Variants in PCDHA4 observed in about 807,000 individuals in gnomAD.
PCDHA4 encodes protocadherin alpha-4.
PCDHA4 carries 49 observed loss-of-function variants against 61.4 expected under a neutral mutation model. The observed-to-expected ratio is 0.80, with a 90% confidence interval of 0.63 to 1.01. PCDHA4 has a LOEUF of 1.01. Among genes scored for constraint, PCDHA4 ranks in the 50% least tolerant of loss-of-function variants. PCDHA4 has a pLI of 0.00. For missense variants in PCDHA4, 1,254 were observed against 1,235.8 expected (o/e 1.01, Z -0.22); for synonymous variants, 590 against 550.3 (o/e 1.07, Z -1.01).
At chr5:140,849,467 TA>T (rs2040919541) in intron 1 of PCDHA4, 1 of 1,589,264 alleles carries the variant, frequency 6.3e-7, no homozygotes, top group African/African-American at 1.4e-5. Flanking sequence ...AGGCTGTCGA[TA>T]AAGGCTTCCC....
At chr5:140,892,111 A>G (rs918433393) in intron 1 of PCDHA4, among the ~76,000 whole-genome samples, 3 of 152,206 alleles carry the variant, frequency 2.0e-5, no homozygotes, top group Admixed American at 2.0e-4. Context: ...CTTGGCATTT[A>G]TATCTGGAAC....
chr5:140,919,593 T>A (rs541275874), intron 1 of PCDHA4, among the ~76,000 whole-genome samples: 1 of 152,332 alleles, frequency 6.6e-6, no homozygotes, highest in South Asian at 2.1e-4. Flanking sequence ...TGGTAATTTT[T>A]AAAATAAATT....
chr5:140,966,982 G>C, intron 1 of PCDHA4: 1 of 1,603,506 alleles, frequency 6.2e-7, no homozygotes, highest in Non-Finnish European at 8.5e-7. Flanking sequence ...TGCGGCGCTT[G>C]GGGCCGGGTT....
intron 1 of PCDHA4, chr5:140,869,067 G>T (rs1220928735): frequency 6.4e-7 from 1 of 1,570,438 alleles, no homozygotes; most frequent in Non-Finnish European, 8.6e-7. Flanking sequence ...TACTGTAAGT[G>T]TAAAGAAGCT....
chr5:140,809,648 G>A (rs1764517800), intron 1 of PCDHA4, 76 bp downstream of exon 1: 1 of 1,499,082 alleles, frequency 6.7e-7, no homozygotes, highest in South Asian at 1.4e-5. Context: ...TTATTTCTAA[G>A]AGTCAAATTT....
chr5:140,883,533 A>T, intron 1 of PCDHA4: 2 of 1,614,190 alleles, frequency 1.2e-6, no homozygotes, highest in South Asian at 2.2e-5. Flanking sequence ...TCAGCCTATG[A>T]ACTGGTGGTG....
chr5:140,817,612 A>T (rs924358781), intron 1 of PCDHA4: 1 of 152,206 alleles, frequency 6.6e-6, no homozygotes, highest in Admixed American at 6.5e-5. Context: ...TAAGACCTTG[A>T]ATCATTATAC....
At chr5:140,826,048 C>T (rs1415056920) in intron 1 of PCDHA4, among the ~76,000 whole-genome samples, 1 of 152,112 alleles carries the variant, frequency 6.6e-6, no homozygotes, top group South Asian at 2.1e-4. Flanking sequence ...TGTTGCTTTG[C>T]CTGTTTCTTT....
chr5:141,009,729 G>A lies in PCDHA4; in HGVS notation c.2636G>A (p.Gly879Asp). 6.2e-7 allele frequency: 1 copy of A among 1,614,168 alleles called. No homozygotes were observed. The highest frequency in any genetic ancestry group is 8.5e-7 in the Non-Finnish European group (1 of 1,180,028). The change falls in exon 4 of 4, where the codon GGT (glycine) becomes GAT (aspartate). Residue 879 changes from glycine to aspartate, a missense_variant. Physicochemically the swap from Gly to Asp is moderately conservative, Grantham distance 94. Transcript: ENST00000530339. ...GGCAACCCCAAACAATCCGGTCCCG[G>A]TGAGTTGCCCGACAAATTCATTATC... ...GPGNPKQSGP[G>D]ELPDKFIIPG...
intron 1 of PCDHA4, chr5:140,841,519 G>A: frequency 6.2e-7 from 1 of 1,613,590 alleles, no homozygotes; most frequent in Non-Finnish European, 8.5e-7. Flanking sequence ...TGTTCCGGGT[G>A]GCGTCCAAAA....
At chr5:140,861,527 G>A (rs1554154863) in intron 1 of PCDHA4, 2 of 454,914 alleles carry the variant, frequency 4.4e-6, no homozygotes. Flanking sequence ...GGAGGATCTC[G>A]GAGTGCAGCA....
At chr5:140,824,747 A>C (rs1768347679) in intron 1 of PCDHA4, 1 of 151,386 alleles carries the variant, frequency 6.6e-6, no homozygotes, top group South Asian at 2.1e-4. Flanking sequence ...GGATTGAGCA[A>C]GAGTGCCTGG....
At chr5:140,882,072 T>C in intron 1 of PCDHA4, 2 of 861,580 alleles carry the variant, frequency 2.3e-6, no homozygotes, top group South Asian at 1.9e-5. Context: ...TTCATGCGCA[T>C]GGTGTCGCTC....
At chr5:140,852,888 T>TA (rs1217426677) in intron 1 of PCDHA4, 2 of 919,976 alleles carry the variant, frequency 2.2e-6, no homozygotes, top group Non-Finnish European at 2.6e-6. Context: ...AAAACGTATT[T>TA]TTTTTTTTGA....
At chr5:141,007,395 CAAAAA>C (rs35800918) in intron 3 of PCDHA4, among the ~76,000 whole-genome samples, 1 of 94,866 alleles carries the variant, frequency 1.1e-5, no homozygotes, top group Non-Finnish European at 2.1e-5. Flanking sequence ...TACTAAAATA[CAAAAA>C]AAAAAAAAAA....
At chr5:140,882,086 A>T in intron 1 of PCDHA4, 2 of 1,056,122 alleles carry the variant, frequency 1.9e-6, no homozygotes, top group Non-Finnish European at 2.7e-6. Context: ...GTCGCTCTTC[A>T]CTGAGAACGT....
chr5:140,858,347 C>T lies in PCDHA4; in HGVS notation c.2385+48775C>T. ...TGGGGAGGGCCTGCCCAAGGCGGAC[C>T]TCATGGCCTTCAGCCCCAGCCTTCC... On this transcript the variant is annotated intron_variant, in intron 1 of 3. Transcript: ENST00000530339. 3 of 1,594,932 alleles carry T rather than the reference C, an allele frequency of 1.9e-6. No individual in the cohort carries two copies. The East Asian group carries it at 6.7e-5, about 36-fold the overall frequency.
intron 1 of PCDHA4, chr5:140,849,278 G>A (rs1427040308): frequency 8.5e-7 from 1 of 1,179,884 alleles, no homozygotes; most frequent in Non-Finnish European, 1.2e-6. Context: ...GAACGCTGGT[G>A]ATTCACCCCA....
At chr5:140,859,846 T>C (rs1156718746) in intron 1 of PCDHA4, 1 of 152,114 alleles carries the variant, frequency 6.6e-6, no homozygotes. Context: ...TTTTATCAAA[T>C]AGGTTTATGA....
Sources: allele counts gnomAD v4.1 joint callset (sites outside exome capture counted in the v4.1 genomes callset), GRCh38; gene constraint gnomAD v4.1.1; transcripts MANE v1.5; gene names NCBI Gene and HGNC (gene_info 2026-07-23, HGNC 2026-07-21).